The following PCDHGA11 variants were observed in gnomAD, a reference collection of about 807,000 sequenced individuals.
PCDHGA11 encodes the protein protocadherin gamma-A11.
A neutral mutation model predicts 60.4 loss-of-function variants in PCDHGA11; 39 were observed. The ratio of observed to expected loss-of-function variants is 0.65; its 90% confidence interval spans 0.50 to 0.84. The LOEUF (loss-of-function observed/expected upper bound fraction) is 0.84. Among genes scored for constraint, PCDHGA11 ranks in the 40% least tolerant of loss-of-function variants. The probability of loss-of-function intolerance (pLI) is 0.00; values close to 1 mark genes in which losing one functional copy is unlikely to be tolerated. For missense variants in PCDHGA11, 1,165 were observed against 1,197.7 expected (o/e 0.97, Z 0.40); for synonymous variants, 533 against 510.3 (o/e 1.04, Z -0.60).
At chr5:141,504,450 T>C (rs931613781) in intron 2 of PCDHGA11, among the ~76,000 whole-genome samples, 1 of 151,918 alleles carries the variant, frequency 6.6e-6, no homozygotes, top group Non-Finnish European at 1.5e-5. Context: ...ACTAGTGCCA[T>C]GTGGGGCAGC....
intron 1 of PCDHGA11, among the ~76,000 whole-genome samples, chr5:141,479,129 C>T (rs2099488562): frequency 6.6e-6 from 1 of 152,154 alleles, no homozygotes; most frequent in South Asian, 2.1e-4. Context: ...AAATGATGTG[C>T]ACCCTGCTTA....
intron 1 of PCDHGA11, among the ~76,000 whole-genome samples, chr5:141,494,070 C>T (rs933213518): frequency 3.9e-5 from 6 of 152,174 alleles, no homozygotes; most frequent in African/African-American, 1.4e-4. Context: ...AGCTGGATCC[C>T]TCCCCGCTGC....
intron 1 of PCDHGA11, chr5:141,478,112 G>A (rs2099430344): frequency 1.2e-6 from 2 of 1,613,968 alleles, no homozygotes; most frequent in South Asian, 2.2e-5. Flanking sequence ...CACTGTGTCA[G>A]TAACCGAGGA....
In PCDHGA11 at chr5:141,511,035, C is replaced by T. The variant is rs373005862; in HGVS notation, c.2670C>T (p.His890=). Residue 890 remains histidine (H), a synonymous_variant, in exon 4 of 4, where the codon CAC becomes CAT. Transcript: ENST00000398587. ...ACGGACCCCAGTTCACCCTGCAGCA[C>T]GTGCCCGACTACCGCCAGAATGTCT... ...ARYGPQFTLQ[H]VPDYRQNVYI... The T allele has an allele frequency of 1.7e-5, 27 of 1,614,208 alleles. No individual in the cohort carries two copies. The African/African-American group carries it at 2.9e-4, about 18-fold the overall frequency.
At chr5:141,470,723 G>T (rs1326927605) in intron 1 of PCDHGA11, among the ~76,000 whole-genome samples, 1 of 151,852 alleles carries the variant, frequency 6.6e-6, no homozygotes, top group East Asian at 1.9e-4. Flanking sequence ...TTTGAGTCAG[G>T]GTCTTGCTCT....
At chr5:141,484,750 GTA>G (rs545232987) in intron 1 of PCDHGA11, among the ~76,000 whole-genome samples, 18 of 149,824 alleles carry the variant, frequency 1.2e-4, no homozygotes, top group Admixed American at 4.7e-4. Flanking sequence ...GAAAAAAAAT[GTA>G]TATATATATA....
chr5:141,422,166 T>G lies in PCDHGA11; in HGVS notation c.939T>G (p.Tyr313Ter), dbSNP rs370704205. The change falls in exon 1 of 4, where the codon TAT (tyrosine) becomes TAG (stop). Residue 313 changes from tyrosine to a stop codon, truncating the protein, a stop_gained. Coordinates refer to ENST00000398587, the MANE Select transcript of PCDHGA11 (RefSeq NM_018914.3). LOFTEE classifies it high-confidence loss of function. ...QVRGSLDFEK[Y>*]RFYEMEIQGQ... The stretch of plus-strand genomic sequence containing the variant: ...GGGGGTCTCTGGATTTTGAAAAATA[T>G]AGATTCTATGAGATGGAAATTCAAG... 30 of 1,569,256 alleles carry G rather than the reference T, an allele frequency of 1.9e-5. No homozygotes were observed. Among genetic ancestry groups the G allele is most frequent in the Non-Finnish European group, 2.5e-5 (29 of 1,163,200 alleles).
chr5:141,451,716 T>C (rs947058540), intron 1 of PCDHGA11, among the ~76,000 whole-genome samples: 1 of 152,092 alleles, frequency 6.6e-6, no homozygotes, highest in Non-Finnish European at 1.5e-5. Context: ...ACCCTGCCTC[T>C]ACTAAAAATA....
chr5:141,444,152 ATTTTTTTTTTTTTT>A (rs747671382), intron 1 of PCDHGA11, among the ~76,000 whole-genome samples: 241 of 33,882 alleles, frequency 7.1e-3, no homozygotes, highest in African/African-American at 0.019. Flanking sequence ...TGTGTACTGG[ATTTTTTTTTTTTTT>A]TTTTTTTTTT....
At position 141,431,270 on chromosome 5, in the gene PCDHGA11, G is replaced by C. The variant is rs369177310; in HGVS notation, c.2433+7610G>C. 1.2e-5 allele frequency: 19 copies of C among 1,613,996 alleles called. No homozygotes were observed. Among genetic ancestry groups the C allele is most frequent in the Non-Finnish European group, 1.5e-5 (18 of 1,180,018 alleles). ...CGGGAAGAACTCTCTGCAGAGCTAC[G>C]AGCTCAGCCCGAACACTCACTTCTC... is the stretch of plus-strand genomic sequence containing the variant. On this transcript the variant is annotated intron_variant, in intron 1 of 3. Coordinates refer to ENST00000398587, the MANE Select transcript of PCDHGA11 (RefSeq NM_018914.3). This position sits in a 1 kb window ranked among gnomAD's most constrained non-coding sequence, Gnocchi z 4.8.
At chr5:141,484,176 A>G (rs1044076131) in intron 1 of PCDHGA11, among the ~76,000 whole-genome samples, 1 of 152,236 alleles carries the variant, frequency 6.6e-6, no homozygotes, top group East Asian at 1.9e-4. Context: ...GCTGATCTCA[A>G]TCATTCAAGG....
intron 1 of PCDHGA11, among the ~76,000 whole-genome samples, chr5:141,457,968 G>A (rs919621979): frequency 6.6e-6 from 1 of 152,120 alleles, no homozygotes; most frequent in African/African-American, 2.4e-5. Context: ...TTCCTTAAAG[G>A]GAAACACACC....
At chr5:141,441,187 AT>A (rs1349788972) in intron 1 of PCDHGA11, 1 of 152,214 alleles carries the variant, frequency 6.6e-6, no homozygotes, top group Non-Finnish European at 1.5e-5. Context: ...TTCCACAATG[AT>A]TCCCAAAGAT....
chr5:141,485,065 A>G lies in PCDHGA11; in HGVS notation c.2434-9742A>G, dbSNP rs527439590. On this transcript the variant is annotated intron_variant, in intron 1 of 3. Transcript: ENST00000398587. The surrounding 1 kb of genome is among the most constrained non-coding windows in gnomAD (Gnocchi z 5.7). ...TGCGGCGCCGGCCGAACCGCGCCAG[A>G]GCTGGCGCGGGGAAAGGGAGATAGG... The G allele has an allele frequency of 4.2e-5, 37 of 877,696 alleles. No individual in the cohort carries two copies. Among genetic ancestry groups the G allele is most frequent in the Non-Finnish European group, 6.5e-5 (36 of 552,826 alleles). The allele number at this position is 877,696 out of a possible 1,614,324, so 54.4% of individuals were successfully genotyped here. A position where few individuals can be genotyped will look rare whatever the true frequency, so the allele number is the denominator to read the frequency against.
intron 1 of PCDHGA11, among the ~76,000 whole-genome samples, chr5:141,434,452 G>T (rs2097695209): frequency 6.6e-6 from 1 of 152,334 alleles, no homozygotes; most frequent in African/African-American, 2.4e-5. Flanking sequence ...CTGGAAGGTA[G>T]TGGGTTTACC....
rs969397099 is a variant in PCDHGA11, at chr5:141,477,807, C to T, written c.2434-17000C>T. 6.2e-6 allele frequency: 10 copies of T among 1,613,932 alleles called. No homozygotes were observed. Among genetic ancestry groups the T allele is most frequent in the African/African-American group, 1.3e-5 (1 of 74,922 alleles). ...TTTGTCACTGATCGCAATGACAATG[C>T]CCCCCAGGTCCTATATCCTCGGCCA... is the stretch of plus-strand genomic sequence containing the variant. On this transcript the variant is annotated intron_variant, in intron 1 of 3. Transcript: ENST00000398587. The surrounding 1 kb of genome is among the most constrained non-coding windows in gnomAD (Gnocchi z 4.9).
chr5:141,429,416 T>C (rs527999196), intron 1 of PCDHGA11, among the ~76,000 whole-genome samples: 1 of 152,230 alleles, frequency 6.6e-6, no homozygotes, highest in Admixed American at 6.5e-5. Flanking sequence ...GGTCTCATTA[T>C]GTTGCCCAGG....
chr5:141,428,001 T>C (rs149531447), intron 1 of PCDHGA11: 1 of 1,601,704 alleles, frequency 6.2e-7, no homozygotes, highest in Admixed American at 1.7e-5. Flanking sequence ...CTCCGCACTC[T>C]TCGATATAGT....
Position 141,490,900 on chromosome 5 carries a change from G to A in PCDHGA11, c.2434-3907G>A, listed in dbSNP as rs2099705863. 2 of 1,613,796 alleles carry A rather than the reference G, an allele frequency of 1.2e-6. No individual in the cohort carries two copies. The highest frequency in any genetic ancestry group is 2.7e-5 in the African/African-American group (2 of 75,050). ...TGCCAACACATCTCTGCATGTGTTT[G>A]TCCTAGACGAGAATGATAATGCCCC... On this transcript the variant is annotated intron_variant, in intron 1 of 3. Transcript: ENST00000398587. The surrounding 1 kb of genome is among the most constrained non-coding windows in gnomAD (Gnocchi z 5.4).
Sources: gnomAD v4.1 joint callset for allele counts (sites outside exome capture counted in the v4.1 genomes callset) on GRCh38, gnomAD v4.1.1 for gene constraint, Gnocchi (gnomAD v3.1) non-coding constraint, MANE v1.5 for transcripts, NCBI Gene and HGNC (gene_info 2026-07-23, HGNC 2026-07-21) for gene names.